The following CACNA2D1 variants were observed in gnomAD, a reference collection of about 807,000 sequenced individuals.
CACNA2D1 encodes the protein calcium voltage-gated channel auxiliary subunit alpha2delta 1.
CACNA2D1 carries 53 observed loss-of-function variants against 171.5 expected under a neutral mutation model. That is an observed-to-expected ratio of 0.31 (90% confidence interval 0.25 to 0.39). The LOEUF is 0.39. CACNA2D1 is among the 10% of genes least tolerant of loss of function. CACNA2D1 has a pLI of 1.00. For synonymous variants in CACNA2D1, 442 were observed against 443.1 expected (o/e 1.00, Z 0.03); for missense variants, 903 against 1,299.8 (o/e 0.69, Z 4.69).
intron 24 of CACNA2D1, among the ~76,000 whole-genome samples, chr7:81,978,351 T>C (rs1429458730): frequency 1.8e-4 from 27 of 152,060 alleles, no homozygotes; most frequent in Admixed American, 1.6e-3. Flanking sequence ...TGATCAATGA[T>C]ATAGACTGGA....
At position 82,060,208 on chromosome 7, in the gene CACNA2D1, T is replaced by A. The variant is rs1226553443; in HGVS notation, c.879+220A>T. Among the ~76,000 whole-genome samples the A allele has an allele frequency of 4.5e-3, 147 of 32,674 alleles. 10 individuals carry two copies. The highest frequency in any genetic ancestry group is 0.016 in the African/African-American group (142 of 8,844). The allele number at this position is 32,674 out of a possible 152,430, so 21.4% of individuals were successfully genotyped here. A position where few individuals can be genotyped will look rare whatever the true frequency, so the allele number is the denominator to read the frequency against. ...ATATATATTATATATATATTATATA[T>A]ATAATATATATATAATATATATATA... On this transcript the variant is annotated intron_variant, in intron 10 of 38. Coordinates refer to ENST00000356860, the MANE Select transcript of CACNA2D1 (RefSeq NM_000722.4).
chr7:82,359,094 G>A (rs1242154350), intron 1 of CACNA2D1, among the ~76,000 whole-genome samples: 1 of 151,984 alleles, frequency 6.6e-6, no homozygotes, highest in Admixed American at 6.6e-5. Context: ...GCATAGTCCC[G>A]GGTAGCCTGA....
intron 1 of CACNA2D1, among the ~76,000 whole-genome samples, chr7:82,360,102 T>C (rs559671949): frequency 7.9e-5 from 12 of 152,308 alleles, no homozygotes; most frequent in Admixed American, 3.9e-4. Flanking sequence ...TGCTAACTGG[T>C]GCCATGATCT....
chr7:82,440,499 A>G (rs1296603841), intron 1 of CACNA2D1, among the ~76,000 whole-genome samples: 1 of 151,928 alleles, frequency 6.6e-6, no homozygotes, highest in Non-Finnish European at 1.5e-5. Flanking sequence ...TATATTTTCC[A>G]TTTATATATC....
At chr7:82,396,207 G>T (rs1224119838) in intron 1 of CACNA2D1, among the ~76,000 whole-genome samples, 6 of 151,988 alleles carry the variant, frequency 3.9e-5, no homozygotes, top group African/African-American at 1.5e-4. Flanking sequence ...TTCCAGGCTG[G>T]GTGCAGTAGT....
chr7:82,288,908 C>T (rs1313411425), intron 3 of CACNA2D1, among the ~76,000 whole-genome samples: 1 of 152,068 alleles, frequency 6.6e-6, no homozygotes, highest in African/African-American at 2.4e-5. Flanking sequence ...TCATAGATCT[C>T]AAAGGAGCTA....
Position 81,962,701 on chromosome 7 carries a change from T to A in CACNA2D1, c.2781-206A>T, listed in dbSNP as rs190640144. 3.7e-4 allele frequency among the ~76,000 whole-genome samples: 57 copies of A among 152,104 alleles called. 1 individual carries two copies. Among genetic ancestry groups the A allele is most frequent in the African/African-American group, 1.0e-3 (42 of 41,524 alleles). On this transcript the variant is annotated intron_variant, in intron 34 of 38. Transcript: ENST00000356860. The stretch of plus-strand genomic sequence containing the variant: ...AGTCATGAAATCAGAAGTGTTCAGA[T>A]CTTGTTCAGGATCAAGTGGGACACA...
At chr7:82,089,535 T>C (rs1810883264) in intron 6 of CACNA2D1, among the ~76,000 whole-genome samples, 1 of 152,198 alleles carries the variant, frequency 6.6e-6, no homozygotes, top group Non-Finnish European at 1.5e-5. Context: ...TGATAATCGA[T>C]TCAGAAAGCC....
At chr7:81,956,109 T>G (rs1456010643) in intron 38 of CACNA2D1, among the ~76,000 whole-genome samples, 1 of 149,772 alleles carries the variant, frequency 6.7e-6, no homozygotes, top group Non-Finnish European at 1.5e-5. Flanking sequence ...TGCCTCAGCC[T>G]CTGGCGTAGC....
intron 3 of CACNA2D1, among the ~76,000 whole-genome samples, chr7:82,332,359 G>C (rs1008676015): frequency 1.3e-5 from 2 of 152,042 alleles, no homozygotes; most frequent in Non-Finnish European, 2.9e-5. Flanking sequence ...TCTGACCTCA[G>C]TTATTATTTT....
chr7:82,133,888 C>G (rs970433202), intron 5 of CACNA2D1, among the ~76,000 whole-genome samples: 4 of 151,962 alleles, frequency 2.6e-5, no homozygotes, highest in Non-Finnish European at 4.4e-5. Context: ...CTGGCTAACA[C>G]GGTGAAACCC....
chr7:81,956,360 CCT>C (rs1228181610), intron 38 of CACNA2D1, among the ~76,000 whole-genome samples: 1 of 151,776 alleles, frequency 6.6e-6, no homozygotes, highest in Non-Finnish European at 1.5e-5. Flanking sequence ...TAACTGATAA[CCT>C]ATAAATCTTA....
intron 3 of CACNA2D1, among the ~76,000 whole-genome samples, chr7:82,237,603 C>A (rs1434900237): frequency 2.0e-5 from 3 of 151,880 alleles, no homozygotes; most frequent in African/African-American, 7.2e-5. Context: ...GGATTATTTT[C>A]TGAAAGCAAA....
chr7:82,332,558 GAAAGAA>G (rs1290839057), intron 3 of CACNA2D1, among the ~76,000 whole-genome samples: 3 of 137,930 alleles, frequency 2.2e-5, no homozygotes, highest in African/African-American at 7.8e-5. Flanking sequence ...AAGAAAGAAA[GAAAGAA>G]AGAACGAACA....
chr7:81,967,601 C>T lies in CACNA2D1; in HGVS notation c.2458G>A (p.Asp820Asn), dbSNP rs1374964378. ...ATTTTTTAAAAATATCTTACCGGAT[C>T]TCTGATTGAGGTTTTGGTGAAATTC... Reference protein sequence around the residue: ...IENFTKTSIRDPCAGPVCDCK... With the variant: ...IENFTKTSIRNPCAGPVCDCK... The change falls in exon 30 of 39, where the codon GAT (aspartate) becomes AAT (asparagine). Residue 820 changes from aspartate to asparagine, a missense_variant. By Grantham distance (23) the Asp-to-Asn change is conservative (BLOSUM62 1). Around this residue, in one of 5 missense-constraint regions of CACNA2D1, gnomAD observed 623 missense variants for 925.5 expected, o/e 0.67. Transcript: ENST00000356860. The T allele has an allele frequency of 6.7e-7, 1 of 1,485,710 alleles. No homozygotes were observed. Among genetic ancestry groups the T allele is most frequent in the Admixed American group, 1.7e-5 (1 of 58,386 alleles). 92.0% of individuals were successfully genotyped at this position (1,485,710 alleles called of 1,614,324 possible).
In CACNA2D1 at chr7:82,170,698, G is replaced by A. The variant is rs191199732; in HGVS notation, c.295-89C>T. 129 of 1,179,970 alleles carry A rather than the reference G, an allele frequency of 1.1e-4. No homozygotes were observed. The Admixed American group carries it at 1.8e-3, about 17-fold the overall frequency. 73.1% of individuals were successfully genotyped at this position (1,179,970 alleles called of 1,614,324 possible). On this transcript the variant is annotated intron_variant, in intron 3 of 38. Transcript: ENST00000356860. ...ATGCTTGCGCTTTCTAATCAATTTT[G>A]AGGACATAAAAAGCAGAAGATGATC...
chr7:82,133,247 T>A (rs980417996), intron 5 of CACNA2D1, among the ~76,000 whole-genome samples: 3 of 152,176 alleles, frequency 2.0e-5, no homozygotes, highest in African/African-American at 7.2e-5. Flanking sequence ...CCCATTATTA[T>A]GAAATCCATA....
At chr7:82,405,910 T>C (rs1344644647) in intron 1 of CACNA2D1, among the ~76,000 whole-genome samples, 1 of 152,206 alleles carries the variant, frequency 6.6e-6, no homozygotes, top group African/African-American at 2.4e-5. Flanking sequence ...ATATATATAC[T>C]TTAAGTTCTA....
intron 6 of CACNA2D1, among the ~76,000 whole-genome samples, chr7:82,113,555 G>A (rs960559829): frequency 1.3e-5 from 2 of 152,084 alleles, no homozygotes; most frequent in Non-Finnish European, 2.9e-5. Flanking sequence ...TTCAATTCAA[G>A]GGACTTTAAA....
Sources: gnomAD v4.1 joint callset for allele counts (sites outside exome capture counted in the v4.1 genomes callset) on GRCh38, gnomAD v4.1.1 for gene constraint, gnomAD v4.1.1 regional missense constraint, MANE v1.5 for transcripts, NCBI Gene and HGNC (gene_info 2026-07-23, HGNC 2026-07-21) for gene names.